Variants in HLTF observed in about 807,000 individuals in gnomAD.
HLTF encodes the protein helicase like transcription factor.
HLTF carries 127 observed loss-of-function variants against 129.4 expected under a neutral mutation model. That is an observed-to-expected ratio of 0.98 (90% CI 0.85 to 1.14). The LOEUF (loss-of-function observed/expected upper bound fraction) is 1.14. Among genes scored for constraint, HLTF ranks in the 50% most tolerant of loss-of-function variants. The pLI, the probability that HLTF is intolerant of heterozygous loss-of-function variation, is 0.00. For missense variants in HLTF, 1,139 were observed against 1,187.1 expected (o/e 0.96, Z 0.60); for synonymous variants, 332 against 388.8 (o/e 0.85, Z 1.72).
intron 13 of HLTF, among the ~76,000 whole-genome samples, chr3:149,056,153 A>C (rs1332913957): frequency 6.6e-6 from 1 of 152,212 alleles, no homozygotes; most frequent in Non-Finnish European, 1.5e-5. Context: ...AGAGACCATA[A>C]GCCATTAAAC....
chr3:149,079,730 C>T (rs1211452766), intron 2 of HLTF, among the ~76,000 whole-genome samples: 3 of 152,066 alleles, frequency 2.0e-5, no homozygotes, highest in Admixed American at 1.3e-4. Flanking sequence ...GTAGCTGGGA[C>T]TACAGGCAGG....
At chr3:149,041,147 T>C (rs1229913540) in intron 20 of HLTF, among the ~76,000 whole-genome samples, 2 of 152,158 alleles carry the variant, frequency 1.3e-5, no homozygotes, top group Non-Finnish European at 2.9e-5. Context: ...TTTAGATATA[T>C]TGGGTTAAAT....
intron 13 of HLTF, among the ~76,000 whole-genome samples, chr3:149,056,699 G>T (rs1281569645): frequency 1.3e-5 from 2 of 152,098 alleles, no homozygotes; most frequent in African/African-American, 4.8e-5. Context: ...TAAGAGATTC[G>T]TAACAACAAA....
chr3:149,046,053 T>G (rs777754345), intron 18 of HLTF, 27 bp downstream of exon 18: 1 of 1,559,804 alleles, frequency 6.4e-7, no homozygotes, highest in Non-Finnish European at 8.7e-7. Context: ...AAAAACTAAT[T>G]TTTAACATGG....
At chr3:149,083,049 C>T (rs1720008398) in intron 2 of HLTF, among the ~76,000 whole-genome samples, 2 of 152,158 alleles carry the variant, frequency 1.3e-5, no homozygotes, top group Admixed American at 6.5e-5. Flanking sequence ...GTCAGGGGTT[C>T]AAGACCAGCC....
chr3:149,035,387 T>A (rs1031617464), intron 23 of HLTF, among the ~76,000 whole-genome samples: 4 of 152,096 alleles, frequency 2.6e-5, no homozygotes, highest in African/African-American at 9.7e-5. Flanking sequence ...TTGGGCCTAT[T>A]TAGTTTTCTC....
chr3:149,064,141 CA>C (rs1718168760), intron 9 of HLTF, among the ~76,000 whole-genome samples: 1 of 152,108 alleles, frequency 6.6e-6, no homozygotes. Context: ...ACTGCTAACT[CA>C]TCTACCTAAC....
In HLTF at chr3:149,084,812, A is replaced by C; in HGVS notation, c.98T>G (p.Phe33Cys). The C allele has an allele frequency of 1.2e-6, 2 of 1,614,122 alleles. No individual in the cohort carries two copies. Among genetic ancestry groups the C allele is most frequent in the Non-Finnish European group, 1.7e-6 (2 of 1,179,972 alleles). ...ATCTTGGAATTCAAAACGTGGAAAG[A>C]AAGTTGGATATGAGAGGCGTGGAAA... The part of the protein sequence containing the change: ...GNFPRLSYPT[F>C]FPRFEFQDVI... Residue 33 changes from phenylalanine (F) to cysteine (C), a missense_variant, in exon 2 of 25, where the codon TTC becomes TGC. Physicochemically the swap from Phe to Cys is radical, Grantham distance 205. Coordinates refer to ENST00000310053, the MANE Select transcript of HLTF (RefSeq NM_003071.4).
intron 3 of HLTF, among the ~76,000 whole-genome samples, chr3:149,075,279 T>G (rs536248302): frequency 1.3e-5 from 2 of 152,304 alleles, no homozygotes; most frequent in East Asian, 3.9e-4. Flanking sequence ...CTGGGCACGG[T>G]GGCTCACGCC....
In HLTF at chr3:149,032,226, G is replaced by A. The variant is rs2107936323; in HGVS notation, c.3024C>T (p.Asp1008=). Residue 1008 remains aspartate (D), a synonymous_variant, in exon 25 of 25, where the codon GAC becomes GAT. Transcript: ENST00000310053. ...CTTACTAAAATCCCACAAATTATAA[G>A]TCAATTAATGTTCTGATTTCATTAA... is the stretch of plus-strand genomic sequence containing the variant. ...AKINEIRTLI[D]L 6.3e-7 allele frequency: 1 copy of A among 1,575,554 alleles called. No individual in the cohort carries two copies. The highest frequency in any genetic ancestry group is 1.4e-5 in the African/African-American group (1 of 72,212).
At chr3:149,061,914 G>A (rs78662523) in intron 10 of HLTF, among the ~76,000 whole-genome samples, 7,525 of 151,056 alleles carry the variant, frequency 0.05, 541 homozygotes, top group African/African-American at 0.16. Flanking sequence ...AATGAAATAA[G>A]CAGCCAAAAG....
At chr3:149,055,713 T>C (rs893464136) in intron 13 of HLTF, among the ~76,000 whole-genome samples, 2 of 152,268 alleles carry the variant, frequency 1.3e-5, no homozygotes, top group Non-Finnish European at 2.9e-5. Flanking sequence ...GAATTTGTGT[T>C]ATATTTAATT....
chr3:149,052,916 T>C (rs1717117045), intron 14 of HLTF, among the ~76,000 whole-genome samples: 1 of 152,216 alleles, frequency 6.6e-6, no homozygotes, highest in African/African-American at 2.4e-5. Flanking sequence ...ACTCCATCTC[T>C]AGACAGTGTT....
chr3:149,059,871 C>T (rs1489132099), intron 12 of HLTF, 64 bp from the exon 13 acceptor site: 1 of 933,376 alleles, frequency 1.1e-6, no homozygotes, highest in Non-Finnish European at 1.7e-6. Flanking sequence ...AGTACAGGTA[C>T]TTTCTAAGGG....
chr3:149,061,760 C>T (rs1160937771), intron 10 of HLTF, among the ~76,000 whole-genome samples: 1 of 150,354 alleles, frequency 6.7e-6, no homozygotes, highest in Non-Finnish European at 1.5e-5. Context: ...TGCTTGAACC[C>T]GGGAGGCAGA....
intron 1 of HLTF, among the ~76,000 whole-genome samples, chr3:149,085,923 T>C (rs1720343381): frequency 1.3e-5 from 2 of 152,192 alleles, no homozygotes; most frequent in South Asian, 2.1e-4. Context: ...CAAATACTTA[T>C]CTGCACGTCT....
rs1263062507 is a variant in HLTF, at chr3:149,042,232, T to G, written c.2131A>C (p.Arg711=). 3.1e-6 allele frequency: 5 copies of G among 1,613,144 alleles called. No homozygotes were observed. Among genetic ancestry groups the G allele is most frequent in the Non-Finnish European group, 3.4e-6 (4 of 1,179,186 alleles). ...GTATGGCAACAAATTTGCCGCAGTC[T>G]AAGCAAAAGACCCAGGACATCTGCA... ...HYADVLGLLL[R]LRQICCHTYL... is the part of the protein sequence containing the mutation. Residue 711 remains arginine, a synonymous_variant, in exon 19 of 25, where the codon AGA becomes CGA. Coordinates refer to ENST00000310053, the MANE Select transcript of HLTF (RefSeq NM_003071.4).
At chr3:149,058,698 A>G (rs1396517964) in intron 13 of HLTF, among the ~76,000 whole-genome samples, 1 of 152,202 alleles carries the variant, frequency 6.6e-6, no homozygotes, top group East Asian at 1.9e-4. Flanking sequence ...ACTATCTACC[A>G]CAAGGACAAT....
chr3:149,044,880 AACC>A (rs1301051189), intron 18 of HLTF, among the ~76,000 whole-genome samples: 1 of 152,100 alleles, frequency 6.6e-6, no homozygotes, highest in Non-Finnish European at 1.5e-5. Flanking sequence ...CTATGGTAAA[AACC>A]ACCATCATCT....
Sources: allele counts gnomAD v4.1 joint callset (sites outside exome capture counted in the v4.1 genomes callset), GRCh38; gene constraint gnomAD v4.1.1; transcripts MANE v1.5; gene names NCBI Gene and HGNC (gene_info 2026-07-23, HGNC 2026-07-21).